ZNF563: variants seen among roughly 807,000 people sequenced by gnomAD.
ZNF563 encodes the protein zinc finger protein 563.
In ZNF563, 39 loss-of-function variants were observed where a neutral mutation model predicts 48.5. The observed-to-expected ratio is 0.80, with a 90% CI of 0.62 to 1.05. The LOEUF (loss-of-function observed/expected upper bound fraction) is 1.05. ZNF563 is among the 50% of genes least tolerant of loss of function. ZNF563 has a pLI of 0.00. For synonymous variants in ZNF563, 168 were observed against 187.9 expected, an observed-to-expected ratio of 0.89 and a Z score of 0.87; for missense variants, 538 against 597.0, an observed-to-expected ratio of 0.90 and a Z score of 1.03.
rs143701013 is a variant in ZNF563, at chr19:12,319,136, G to T, written c.889C>A (p.Arg297=). The T allele has an allele frequency of 7.6e-4, 1,219 of 1,614,028 alleles. 10 individuals carry two copies. The highest frequency in any genetic ancestry group is 4.0e-4 in the Non-Finnish European group (475 of 1,180,018). The change falls in exon 4 of 4, where the codon CGA becomes AGA. Residue 297 remains arginine, a synonymous_variant. Transcript: ENST00000293725. ...GKAFSVSSSL[R]RHETTHSAEK... ...GCACTGTGAGTGGTTTCATGTCTTC[G>T]AAGGGAACTGGAAACACTGAAGGCT...
At chr19:12,343,920 T>TG in the ZNF563 span, among the ~76,000 whole-genome samples, 12 of 151,664 alleles carry the variant, frequency 7.9e-5, no homozygotes, top group South Asian at 2.1e-4. Context: ...TTAGTAGAGA[T>TG]GGGTTTCACC....
chr19:12,342,300 G>C, the ZNF563 span, among the ~76,000 whole-genome samples: 82 of 152,226 alleles, frequency 5.4e-4, no homozygotes, highest in African/African-American at 1.8e-3. Context: ...TTACAGGCAT[G>C]AGCCACCATA....
intron 2 of ZNF563, among the ~76,000 whole-genome samples, chr19:12,321,592 G>C (rs1051445591): frequency 6.6e-6 from 1 of 152,058 alleles, no homozygotes; most frequent in Admixed American, 6.6e-5. Flanking sequence ...CTACAGATGC[G>C]TGCCACCACA....
Position 12,318,945 on chromosome 19 carries a change from A to T in ZNF563, c.1080T>A (p.Thr360=). Residue 360 remains threonine (T), a synonymous_variant, in exon 4 of 4, where the codon ACT becomes ACA. Coordinates refer to ENST00000293725, the MANE Select transcript of ZNF563 (RefSeq NM_145276.3). ...SLVRYHERIH[T]GEKPYECKQC... is the part of the protein sequence containing the mutation. ...GCTTGCATTCATAGGGTTTCTCTCC[A>T]GTGTGAATTCGTTCATGATATCGAA... The T allele has an allele frequency of 6.2e-7, 1 of 1,614,256 alleles. No individual in the cohort carries two copies. Among genetic ancestry groups the T allele is most frequent in the Non-Finnish European group, 8.5e-7 (1 of 1,180,042 alleles).
At chr19:12,334,868 CAAAAAAAAAAAAA>C (rs35412288), upstream of ZNF563, among the ~76,000 whole-genome samples, 20 of 45,018 alleles carry the variant, frequency 4.4e-4, no homozygotes, top group Non-Finnish European at 5.6e-4. Context: ...GACCTGGTCT[CAAAAAAAAAAAAA>C]AAAAAAAAAA....
At chr19:12,340,241 G>A in the ZNF563 span, among the ~76,000 whole-genome samples, 1 of 152,208 alleles carries the variant, frequency 6.6e-6, no homozygotes, top group Admixed American at 6.5e-5. Flanking sequence ...AGCTGAGGCA[G>A]AAGGATCACT....
At chr19:12,336,239 T>C (rs111977109), upstream of ZNF563, among the ~76,000 whole-genome samples, 7,405 of 152,030 alleles carry the variant, frequency 0.049, 601 homozygotes, top group African/African-American at 0.17. Context: ...GGCAGGAGGA[T>C]TGCTTGAGCC....
At chr19:12,342,170 A>G in the ZNF563 span, among the ~76,000 whole-genome samples, 3 of 151,918 alleles carry the variant, frequency 2.0e-5, no homozygotes, top group Non-Finnish European at 1.5e-5. Flanking sequence ...AGTGCATGCC[A>G]TCACACCTGG....
chr19:12,344,098 T>C, the ZNF563 span, among the ~76,000 whole-genome samples: 2 of 151,946 alleles, frequency 1.3e-5, no homozygotes, highest in Non-Finnish European at 2.9e-5. Context: ...GGATTATAAA[T>C]ATGGAATTTG....
intron 1 of ZNF563, among the ~76,000 whole-genome samples, chr19:12,324,336 G>C (rs971939791): frequency 5.9e-5 from 9 of 151,656 alleles, no homozygotes; most frequent in African/African-American, 2.2e-4. Context: ...TCTAGCATGG[G>C]TGATACAGTG....
Position 12,319,115 on chromosome 19 carries a change from T to A in ZNF563, c.910A>T (p.Ser304Cys). 6.2e-7 allele frequency: 1 copy of A among 1,614,196 alleles called. No homozygotes were observed. Among genetic ancestry groups the A allele is most frequent in the Non-Finnish European group, 8.5e-7 (1 of 1,180,030 alleles). The change falls in exon 4 of 4, where the codon AGT becomes TGT. Residue 304 changes from serine (S) to cysteine (C), a missense_variant. Physicochemically the swap from Ser to Cys is moderately radical, Grantham distance 112. Coordinates refer to ENST00000293725, the MANE Select transcript of ZNF563 (RefSeq NM_145276.3). ...SSLRRHETTH[S>C]AEKPYECKQC... The stretch of plus-strand genomic sequence containing the variant: ...TTACACTCATAGGGTTTCTCTGCAC[T>A]GTGAGTGGTTTCATGTCTTCGAAGG...
rs1304732705 is a variant in ZNF563 at position 12,318,405 on chromosome 19, T to A, written c.*189A>T. 6.1e-6 allele frequency: 4 copies of A among 657,940 alleles called. No individual in the cohort carries two copies. Among genetic ancestry groups the A allele is most frequent in the Non-Finnish European group, 9.9e-6 (4 of 402,690 alleles). 40.8% of individuals were successfully genotyped at this position (657,940 alleles called of 1,614,324 possible). On this transcript the variant is annotated 3_prime_UTR_variant, in exon 4 of 4. Coordinates refer to ENST00000293725, the MANE Select transcript of ZNF563 (RefSeq NM_145276.3). ...TGTTGACAATGGTGTTAAAAAAAAA[T>A]CGATCACTTTCCCACATTCCTTATA...
intron 1 of ZNF563, among the ~76,000 whole-genome samples, chr19:12,328,668 G>A (rs1333492061): frequency 6.6e-6 from 1 of 152,152 alleles, no homozygotes; most frequent in African/African-American, 2.4e-5. Flanking sequence ...TACTCAGGAG[G>A]CTGAGGCAGG....
At chr19:12,335,085 G>A (rs951645571), upstream of ZNF563, among the ~76,000 whole-genome samples, 2 of 152,074 alleles carry the variant, frequency 1.3e-5, no homozygotes, top group Non-Finnish European at 2.9e-5. Context: ...GAATGGGCTC[G>A]GTGTAGAGTC....
intron 1 of ZNF563, among the ~76,000 whole-genome samples, chr19:12,327,418 C>T (rs1301874503): frequency 6.7e-6 from 1 of 148,876 alleles, no homozygotes; most frequent in Non-Finnish European, 1.5e-5. Flanking sequence ...CAAGATCGTG[C>T]CACTGCATTC....
the ZNF563 span, among the ~76,000 whole-genome samples, chr19:12,345,110 C>T: frequency 6.6e-6 from 1 of 152,116 alleles, no homozygotes; most frequent in Non-Finnish European, 1.5e-5. Flanking sequence ...GGAAAGATAT[C>T]CCATGTTCAT....
At chr19:12,331,525 C>T (rs1263235493) in intron 1 of ZNF563, among the ~76,000 whole-genome samples, 1 of 152,210 alleles carries the variant, frequency 6.6e-6, no homozygotes, top group Non-Finnish European at 1.5e-5. Context: ...AATACCAGCA[C>T]CTGAGTGGCT....
At chr19:12,324,766 A>G (rs548888975) in intron 1 of ZNF563, among the ~76,000 whole-genome samples, 6 of 151,930 alleles carry the variant, frequency 3.9e-5, no homozygotes, top group Non-Finnish European at 8.8e-5. Context: ...ACAAAGTGAC[A>G]GCTTTGCAAA....
chr19:12,324,597 G>T (rs1341926056), intron 1 of ZNF563, among the ~76,000 whole-genome samples: 3 of 151,786 alleles, frequency 2.0e-5, no homozygotes, highest in Non-Finnish European at 4.4e-5. Flanking sequence ...CATGCCTGTA[G>T]TCCCAGCTAC....
Sources: allele counts gnomAD v4.1 joint callset (sites outside exome capture counted in the v4.1 genomes callset), GRCh38; gene constraint gnomAD v4.1.1; transcripts MANE v1.5; gene names NCBI Gene and HGNC (gene_info 2026-07-23, HGNC 2026-07-21).